NFATC1: variants seen among roughly 807,000 people sequenced by gnomAD.
NFATC1 encodes the protein nuclear factor of activated T-cells, cytoplasmic 1.
In NFATC1, 22 loss-of-function variants were observed where a neutral mutation model predicts 76.0. The ratio of observed to expected loss-of-function variants is 0.29; its 90% CI spans 0.21 to 0.41. The LOEUF (loss-of-function observed/expected upper bound fraction) is 0.41, where lower values mean the gene tolerates loss of function less well. NFATC1 is among the 10% of genes least tolerant of loss of function. NFATC1 has a pLI of 1.00. For missense variants in NFATC1, 1,357 were observed against 1,337.7 expected (o/e 1.01, Z -0.23); for synonymous variants, 704 against 613.1 (o/e 1.15, Z -2.19).
chr18:79,480,188 C>T (rs1004615093), intron 8 of NFATC1, among the ~76,000 whole-genome samples: 7 of 152,154 alleles, frequency 4.6e-5, no homozygotes, highest in Non-Finnish European at 7.4e-5. Context: ...AAGTAGCTGC[C>T]CCCAGCTCCC....
rs750371924 is a variant in NFATC1, at chr18:79,461,370, A to AGT, written c.1959+6_1959+7dup. 3 of 1,457,842 alleles carry AGT rather than the reference A, an allele frequency of 2.1e-6. No individual in the cohort carries two copies. The highest frequency in any genetic ancestry group is 2.7e-6 in the Non-Finnish European group (3 of 1,115,818). The allele number at this position is 1,457,842 out of a possible 1,614,324, so 90.3% of individuals were successfully genotyped here. ...TGACCGGGACCTGTGCAAGCCGGTG[A>AGT]GTGCCTTTGGCGCAGCTGGAGCTAC... On this transcript the variant is annotated splice_donor_region_variant and intron_variant, in intron 7 of 9. Transcript: ENST00000427363.
At chr18:79,516,351 T>G (rs946544313) in intron 9 of NFATC1, among the ~76,000 whole-genome samples, 2 of 152,124 alleles carry the variant, frequency 1.3e-5, no homozygotes, top group Non-Finnish European at 2.9e-5. Context: ...CTGAAATAGG[T>G]CCTGGACTTG....
chr18:79,503,788 C>G lies in NFATC1; in HGVS notation c.2782+16851C>G, dbSNP rs115478609. On this transcript the variant is annotated intron_variant, in intron 9 of 9. Transcript: ENST00000427363. ...AGGCTGTTTTGTCTGCACAGAAAAT[C>G]TGTTGTTTAGTGTGGCCACCTTCAC... is the stretch of plus-strand genomic sequence containing the variant. Among the ~76,000 whole-genome samples the G allele has an allele frequency of 2.0e-3, 300 of 152,360 alleles. 1 individual carries two copies. Among genetic ancestry groups the G allele is most frequent in the African/African-American group, 6.9e-3 (286 of 41,582 alleles).
intron 9 of NFATC1, among the ~76,000 whole-genome samples, chr18:79,498,872 A>G (rs1420575389): frequency 2.0e-5 from 3 of 152,246 alleles, no homozygotes; most frequent in Non-Finnish European, 4.4e-5. Flanking sequence ...GGCGCATTCA[A>G]AATGCTGAAA....
intron 3 of NFATC1, among the ~76,000 whole-genome samples, chr18:79,436,895 C>G (rs184747927): frequency 2.1e-3 from 323 of 152,254 alleles, no homozygotes; most frequent in African/African-American, 7.2e-3. Context: ...TGTCATTGTT[C>G]CCACGCCGGG....
At chr18:79,485,726 G>A (rs1002566161) in intron 8 of NFATC1, among the ~76,000 whole-genome samples, 1 of 152,242 alleles carries the variant, frequency 6.6e-6, no homozygotes, top group Non-Finnish European at 1.5e-5. Context: ...CAGGAGCACC[G>A]TGGAGGCAGT....
intron 2 of NFATC1, among the ~76,000 whole-genome samples, chr18:79,423,629 G>T (rs932459779): frequency 2.6e-5 from 4 of 152,166 alleles, no homozygotes; most frequent in African/African-American, 7.2e-5. Context: ...AGAGGCCAAG[G>T]CACAGATGGC....
Position 79,467,499 on chromosome 18 carries a change from G to A in NFATC1, c.2009G>A (p.Ser670Asn). 1 of 1,613,294 alleles carries A rather than the reference G, an allele frequency of 6.2e-7. No homozygotes were observed. The highest frequency in any genetic ancestry group is 1.1e-5 in the South Asian group (1 of 91,032). Residue 670 changes from serine (S) to asparagine (N), a missense_variant, in exon 8 of 10, where the codon AGC becomes AAC. Around this residue, in one of 3 missense-constraint regions of NFATC1, gnomAD observed 424 missense variants for 395.4 expected, o/e 1.07. Coordinates refer to ENST00000427363, the MANE Select transcript of NFATC1 (RefSeq NM_001278669.2). ...IPPFRNQRIT[S>N]PVHVSFYVCN... ...CCATTTCGGAATCAGAGGATAACCA[G>A]CCCCGTTCACGTCAGTTTCTACGTC...
chr18:79,437,679 C>G (rs916361126), intron 3 of NFATC1, among the ~76,000 whole-genome samples: 2 of 152,242 alleles, frequency 1.3e-5, no homozygotes, highest in African/African-American at 4.8e-5. Flanking sequence ...CAGCCGCCAC[C>G]CTCTGCCCTC....
At position 79,524,930 on chromosome 18, in the gene NFATC1, C is replaced by T. The variant is rs3894049; in HGVS notation, c.2783-2598C>T. Among the ~76,000 whole-genome samples, 2 of 151,508 alleles carry T rather than the reference C, an allele frequency of 1.3e-5. No individual in the cohort carries two copies. The highest frequency in any genetic ancestry group is 2.9e-5 in the Non-Finnish European group (2 of 67,840). The stretch of plus-strand genomic sequence containing the variant: ...ATGCAGGCGGCCTGTCCCACGAACA[C>T]GATGGAGACCTCAGACGCCGTCCCC... On this transcript the variant is annotated intron_variant, in intron 9 of 9. Coordinates refer to ENST00000427363, the MANE Select transcript of NFATC1 (RefSeq NM_001278669.2). This position sits in a 1 kb window ranked among gnomAD's most constrained non-coding sequence, Gnocchi z 7.2.
chr18:79,514,874 T>C (rs561400199), intron 9 of NFATC1, among the ~76,000 whole-genome samples: 195 of 151,812 alleles, frequency 1.3e-3, no homozygotes, highest in African/African-American at 4.4e-3. Flanking sequence ...AGCAAGACCC[T>C]GTCTCTATAC....
At chr18:79,441,273 C>A (rs2086965723) in intron 3 of NFATC1, among the ~76,000 whole-genome samples, 2 of 152,314 alleles carry the variant, frequency 1.3e-5, no homozygotes, top group Middle Eastern at 3.4e-3. Flanking sequence ...GGCTCTTCCA[C>A]CCCAGGATTC....
intron 2 of NFATC1, among the ~76,000 whole-genome samples, chr18:79,431,741 C>G (rs543254784): frequency 6.6e-6 from 1 of 152,010 alleles, no homozygotes; most frequent in Non-Finnish European, 1.5e-5. Context: ...CTCGCTCTGT[C>G]GCCAAGGCTG....
intron 8 of NFATC1, among the ~76,000 whole-genome samples, chr18:79,472,737 T>C (rs2144964781): frequency 1.3e-5 from 2 of 152,126 alleles, no homozygotes; most frequent in Middle Eastern, 3.4e-3. Context: ...CACCCAGGCA[T>C]GGCTCCCGCC....
In NFATC1 at chr18:79,514,182, T is replaced by TG. The variant is rs1325810432; in HGVS notation, c.2783-13345dup. On this transcript the variant is annotated intron_variant, in intron 9 of 9. Coordinates refer to ENST00000427363, the MANE Select transcript of NFATC1 (RefSeq NM_001278669.2). ...CTCAGCCAGCACAGTGGCTCACACC[T>TG]GTGATCCAAGCACTTTGGGAGGCCA... 2.0e-5 allele frequency among the ~76,000 whole-genome samples: 3 copies of TG among 152,062 alleles called. No individual in the cohort carries two copies. In the East Asian group the frequency reaches 5.8e-4, roughly 29 times the overall value.
intron 8 of NFATC1, among the ~76,000 whole-genome samples, chr18:79,475,051 CGTT>C (rs34892693): frequency 0.13 from 12,270 of 97,310 alleles, 440 homozygotes; most frequent in Non-Finnish European, 0.14. Context: ...TCACTGTCGA[CGTT>C]GTAAACCTGA....
At chr18:79,488,439 C>T (rs73496382) in intron 9 of NFATC1, among the ~76,000 whole-genome samples, 6,390 of 152,112 alleles carry the variant, frequency 0.042, 417 homozygotes, top group African/African-American at 0.14. Flanking sequence ...CAGGGCTGTC[C>T]CTCAGAGCCA....
intron 3 of NFATC1, among the ~76,000 whole-genome samples, chr18:79,440,438 G>A (rs1259889770): frequency 6.6e-6 from 1 of 152,376 alleles, no homozygotes; most frequent in African/African-American, 2.4e-5. Flanking sequence ...GCCATCTGCA[G>A]CAGCAATCAC....
At chr18:79,437,250 G>A (rs948881633) in intron 3 of NFATC1, among the ~76,000 whole-genome samples, 4 of 152,232 alleles carry the variant, frequency 2.6e-5, no homozygotes, top group African/African-American at 4.8e-5. Flanking sequence ...GGGGTCTGGC[G>A]TGGGCCTCAC....
Sources: allele counts gnomAD v4.1 joint callset (sites outside exome capture counted in the v4.1 genomes callset), GRCh38; gene constraint gnomAD v4.1.1; regional missense constraint gnomAD v4.1.1; non-coding constraint Gnocchi (gnomAD v3.1); transcripts MANE v1.5; gene names NCBI Gene and HGNC (gene_info 2026-07-23, HGNC 2026-07-21).